CACNA2D3: variants seen among roughly 807,000 people sequenced by gnomAD.
The protein encoded by CACNA2D3 is calcium voltage-gated channel auxiliary subunit alpha2delta 3.
Under a neutral mutation model 160.6 loss-of-function variants are expected in CACNA2D3, and 60 were observed. The ratio of observed to expected loss-of-function variants is 0.37; its 90% CI spans 0.30 to 0.46. The LOEUF (loss-of-function observed/expected upper bound fraction) is 0.46, where lower values mean the gene tolerates loss of function less well. Ranked by LOEUF, CACNA2D3 falls within the 20% of genes least tolerant of loss-of-function variation. CACNA2D3 has a pLI of 1.00. For missense variants in CACNA2D3, 1,205 were observed against 1,365.0 expected (o/e 0.88, Z 1.85); for synonymous variants, 558 against 492.9 (o/e 1.13, Z -1.75).
intron 4 of CACNA2D3, among the ~76,000 whole-genome samples, chr3:54,445,159 T>A (rs1450164843): frequency 6.6e-6 from 1 of 152,198 alleles, no homozygotes; most frequent in Non-Finnish European, 1.5e-5. Context: ...AGGCAGGGGA[T>A]GGGGCTGGGA....
chr3:54,919,003 T>G, intron 27 of CACNA2D3: 1 of 874,940 alleles, frequency 1.1e-6, no homozygotes, highest in Non-Finnish European at 1.6e-6. Flanking sequence ...ACCTTTTTTT[T>G]TTTTAAATCC....
chr3:54,287,852 G>T (rs1298669355), intron 2 of CACNA2D3, among the ~76,000 whole-genome samples: 1 of 150,008 alleles, frequency 6.7e-6, no homozygotes, highest in East Asian at 2.0e-4. Flanking sequence ...AATGAAGGCA[G>T]AAATAAAGAT....
At chr3:54,135,189 T>C (rs370207727) in intron 2 of CACNA2D3, among the ~76,000 whole-genome samples, 71 of 152,252 alleles carry the variant, frequency 4.7e-4, no homozygotes, top group African/African-American at 1.5e-3. Context: ...CTTTAGTTTG[T>C]TTATTTGTTG....
At chr3:54,208,626 C>A (rs571709992) in intron 2 of CACNA2D3, among the ~76,000 whole-genome samples, 1 of 152,172 alleles carries the variant, frequency 6.6e-6, no homozygotes, top group Non-Finnish European at 1.5e-5. Context: ...TCAGGTGTCT[C>A]TCTTCTTGAT....
At chr3:54,351,339 C>T (rs1281748425) in intron 3 of CACNA2D3, among the ~76,000 whole-genome samples, 1 of 152,062 alleles carries the variant, frequency 6.6e-6, no homozygotes, top group Non-Finnish European at 1.5e-5. Context: ...CCATTGGTGG[C>T]TTCCTGCTGC....
rs559238626 is a variant in CACNA2D3 at position 54,285,650 on chromosome 3, C to T, written c.205-34792C>T. ...CTGCCTCCTCAAGTGGGTCCCTGAC[C>T]CCCGAGCAGCCTAACTGGGAGGCAC... On this transcript the variant is annotated intron_variant, in intron 2 of 37. Coordinates refer to ENST00000474759, the MANE Select transcript of CACNA2D3 (RefSeq NM_018398.3). Among the ~76,000 whole-genome samples, 150 of 152,318 alleles carry T rather than the reference C, an allele frequency of 9.8e-4. 3 individuals carry two copies. The highest frequency in any genetic ancestry group is 6.8e-3 in the Middle Eastern group (2 of 294).
At chr3:54,391,774 G>A (rs536302913) in intron 4 of CACNA2D3, among the ~76,000 whole-genome samples, 45 of 152,246 alleles carry the variant, frequency 3.0e-4, no homozygotes, top group Admixed American at 1.3e-3. Flanking sequence ...GCCTCCCAAA[G>A]TGCTGGGATT....
intron 35 of CACNA2D3, among the ~76,000 whole-genome samples, chr3:55,073,103 G>A (rs1005142133): frequency 6.6e-6 from 1 of 152,152 alleles, no homozygotes; most frequent in East Asian, 1.9e-4. Context: ...TTTAGGCTCT[G>A]GGAGAAGGAA....
At chr3:54,688,251 C>T (rs1700507172) in intron 11 of CACNA2D3, among the ~76,000 whole-genome samples, 1 of 152,282 alleles carries the variant, frequency 6.6e-6, no homozygotes, top group African/African-American at 2.4e-5. Context: ...TGTCCTGTGT[C>T]TCCCAAATTA....
chr3:54,976,428 C>A (rs1350955057), intron 29 of CACNA2D3, among the ~76,000 whole-genome samples: 1 of 151,904 alleles, frequency 6.6e-6, no homozygotes, highest in Non-Finnish European at 1.5e-5. Flanking sequence ...CACATGTATA[C>A]ATATGTAACT....
intron 9 of CACNA2D3, among the ~76,000 whole-genome samples, chr3:54,620,096 G>A (rs1451293173): frequency 6.6e-6 from 1 of 152,102 alleles, no homozygotes; most frequent in African/African-American, 2.4e-5. Context: ...AGTAGTAGTG[G>A]GACCACAGAA....
At chr3:54,754,988 TC>T (rs1466403398) in intron 12 of CACNA2D3, among the ~76,000 whole-genome samples, 1 of 152,196 alleles carries the variant, frequency 6.6e-6, no homozygotes, top group Non-Finnish European at 1.5e-5. Flanking sequence ...CTTCTCAGTT[TC>T]TTCTGACATG....
chr3:54,154,163 T>G (rs1396578465), intron 2 of CACNA2D3, among the ~76,000 whole-genome samples: 1 of 152,236 alleles, frequency 6.6e-6, no homozygotes, highest in Non-Finnish European at 1.5e-5. Flanking sequence ...GATACTTATT[T>G]TCTTTCATTC....
Position 54,452,374 on chromosome 3 carries a change from G to A in CACNA2D3, c.382-51118G>A, listed in dbSNP as rs144407254. ...GATTCAGTTATCTCCACCTGGCTCT[G>A]CCCTTGACACATGGAGATTATTACA... On this transcript the variant is annotated intron_variant, in intron 4 of 37. Coordinates refer to ENST00000474759, the MANE Select transcript of CACNA2D3 (RefSeq NM_018398.3). Among the ~76,000 whole-genome samples the A allele has an allele frequency of 5.6e-3, 849 of 152,312 alleles. 10 individuals carry two copies. Among genetic ancestry groups the A allele is most frequent in the African/African-American group, 0.02 (821 of 41,568 alleles).
At chr3:54,585,577 A>G (rs1702746527) in intron 9 of CACNA2D3, among the ~76,000 whole-genome samples, 1 of 152,174 alleles carries the variant, frequency 6.6e-6, no homozygotes, top group Non-Finnish European at 1.5e-5. Context: ...TAATGGACCC[A>G]AGTTCCACGT....
chr3:54,905,746 G>A (rs569039461), intron 27 of CACNA2D3, among the ~76,000 whole-genome samples: 20 of 152,176 alleles, frequency 1.3e-4, no homozygotes, highest in Admixed American at 2.6e-4. Context: ...CTTGCAAAGC[G>A]CAGGACAGCC....
chr3:54,613,913 T>C (rs1487774618), intron 9 of CACNA2D3, among the ~76,000 whole-genome samples: 7 of 152,182 alleles, frequency 4.6e-5, no homozygotes, highest in Non-Finnish European at 2.9e-5. Context: ...CTCTGTTTTA[T>C]ACTACGAAAT....
intron 11 of CACNA2D3, among the ~76,000 whole-genome samples, chr3:54,647,497 C>T (rs1413362039): frequency 3.9e-5 from 6 of 152,298 alleles, no homozygotes; most frequent in Middle Eastern, 3.4e-3. Context: ...CCTCAGTTCT[C>T]CTCTCCATGG....
At chr3:54,926,619 A>C (rs890187592) in intron 27 of CACNA2D3, among the ~76,000 whole-genome samples, 4 of 152,114 alleles carry the variant, frequency 2.6e-5, no homozygotes, top group African/African-American at 7.2e-5. Flanking sequence ...TCATTCTGCA[A>C]TTTGCTCTGT....
Sources: allele counts gnomAD v4.1 joint callset (sites outside exome capture counted in the v4.1 genomes callset), GRCh38; gene constraint gnomAD v4.1.1; transcripts MANE v1.5; gene names NCBI Gene and HGNC (gene_info 2026-07-23, HGNC 2026-07-21).